ALB: variants seen among roughly 807,000 people sequenced by gnomAD.
ALB encodes serum albumin.
A neutral mutation model predicts 74.5 loss-of-function variants in ALB; 37 were observed. That is an observed-to-expected ratio of 0.50 (90% CI 0.38 to 0.65). The LOEUF (loss-of-function observed/expected upper bound fraction) is 0.65. ALB is among the 30% of genes least tolerant of loss of function. The pLI is 0.00. For missense variants in ALB, 685 were observed against 718.7 expected (o/e 0.95, Z 0.54); for synonymous variants, 249 against 251.6 (o/e 0.99, Z 0.10).
rs765630261 is a variant in ALB at position 73,410,360 on chromosome 4, C to T, written c.664C>T (p.Leu222Phe). ...EGKASSAKQR[L>F]KCASLQKFGE... ...GAAGGCTTCGTCTGCCAAACAGAGA[C>T]TCAAGTGTGCCAGTCTCCAAAAATT... is the stretch of plus-strand genomic sequence containing the variant. The change falls in exon 6 of 15, where the codon CTC becomes TTC. Residue 222 changes from leucine to phenylalanine, a missense_variant. Leu to Phe is a conservative substitution (Grantham distance 22, BLOSUM62 0). Coordinates refer to ENST00000295897, the MANE Select transcript of ALB (RefSeq NM_000477.7). 6.2e-7 allele frequency: 1 copy of T among 1,613,858 alleles called. No homozygotes were observed. Among genetic ancestry groups the T allele is most frequent in the Non-Finnish European group, 8.5e-7 (1 of 1,179,796 alleles).
intron 1 of ALB, among the ~76,000 whole-genome samples, 179 bp downstream of exon 1, chr4:73,404,585 TAAA>T (rs374771640): frequency 7.2e-6 from 1 of 138,706 alleles, no homozygotes; most frequent in Admixed American, 7.3e-5. Context: ...ACATCCTAGG[TAAA>T]AAAAAAAAAA....
chr4:73,408,458 C>G, intron 3 of ALB, 136 bp from the exon 4 acceptor site: 1 of 745,418 alleles, frequency 1.3e-6, no homozygotes, highest in Non-Finnish European at 2.2e-6. Flanking sequence ...CTGTAAACCT[C>G]GATTGGGAGG....
In ALB at chr4:73,418,163, A is replaced by T. The variant is rs2149329540; in HGVS notation, c.1504A>T (p.Thr502Ser). The T allele has an allele frequency of 6.2e-7, 1 of 1,614,206 alleles. No homozygotes were observed. ...AAGTGACAGAGTCACCAAATGCTGC[A>T]CAGAATCCTTGGTGAACAGGCGACC... ...PVSDRVTKCC[T>S]ESLVNRRPCF... The change falls in exon 12 of 15, where the codon ACA becomes TCA. Residue 502 changes from threonine (T) to serine (S), a missense_variant. Physicochemically the swap from Thr to Ser is moderately conservative, Grantham distance 58. Coordinates refer to ENST00000295897, the MANE Select transcript of ALB (RefSeq NM_000477.7).
At chr4:73,419,090 C>A (rs1182413262) in intron 12 of ALB, among the ~76,000 whole-genome samples, 1 of 151,874 alleles carries the variant, frequency 6.6e-6, no homozygotes, top group Admixed American at 6.6e-5. Context: ...TAAATAAAGT[C>A]CAAGATAATT....
At position 73,408,671 on chromosome 4, in the gene ALB, A is replaced by G. The variant is rs1718794005; in HGVS notation, c.348A>G (p.Ala116=). 2 of 1,613,984 alleles carry G rather than the reference A, an allele frequency of 1.2e-6. No homozygotes were observed. The highest frequency in any genetic ancestry group is 1.7e-6 in the Non-Finnish European group (2 of 1,179,954). ...ATGGTGAAATGGCTGACTGCTGTGC[A>G]AAACAAGAACCTGAGAGAAATGAAT... The part of the protein sequence containing the change: ...ETYGEMADCC[A]KQEPERNECF... The change falls in exon 4 of 15, where the codon GCA becomes GCG. Residue 116 remains alanine, a synonymous_variant. Transcript: ENST00000295897.
chr4:73,410,281 C>G, intron 5 of ALB, 31 bp from the exon 6 acceptor site: 2 of 1,575,382 alleles, frequency 1.3e-6, no homozygotes, highest in South Asian at 1.1e-5. Context: ...AATTTTTCTT[C>G]TAATTTTCAT....
At chr4:73,413,193 A>G in intron 7 of ALB, 1 of 530,464 alleles carries the variant, frequency 1.9e-6, no homozygotes, top group Admixed American at 3.3e-5. Context: ...TTAATAAATA[A>G]CTGAGCTGAG....
At position 73,421,287 on chromosome 4, in the gene ALB, G is replaced by A; in HGVS notation, c.*219G>A. On this transcript the variant is annotated 3_prime_UTR_variant, in exon 15 of 15. Transcript: ENST00000295897. ...TGGTACAGCACTGTTATTTTTCAAAGATGTGTTGCTATCCTGAAAATTCTG... is the reference window on the plus strand; with the variant it reads ...TGGTACAGCACTGTTATTTTTCAAAAATGTGTTGCTATCCTGAAAATTCTG... 2.3e-6 allele frequency: 1 copy of A among 434,890 alleles called. No homozygotes were observed. The highest frequency in any genetic ancestry group is 4.1e-6 in the Non-Finnish European group (1 of 246,160). 26.9% of individuals were successfully genotyped at this position (434,890 alleles called of 1,614,324 possible).
intron 12 of ALB, among the ~76,000 whole-genome samples, chr4:73,419,063 A>G (rs939192344): frequency 1.3e-5 from 2 of 152,186 alleles, no homozygotes; most frequent in African/African-American, 4.8e-5. Context: ...TCTCATCTTT[A>G]TAGATGAGAA....
Position 73,414,222 on chromosome 4 carries a change from A to G in ALB, c.1058+588A>G, listed in dbSNP as rs562753437. Among the ~76,000 whole-genome samples the G allele has an allele frequency of 9.7e-4, 148 of 152,338 alleles. 1 individual carries two copies. Among genetic ancestry groups the G allele is most frequent in the South Asian group, 1.4e-3 (7 of 4,828 alleles). ...TGTTGTTGGATTATGATAATGCACT[A>G]AATAATATTTCCTAAAATTATGTAC... On this transcript the variant is annotated intron_variant, in intron 8 of 14. Coordinates refer to ENST00000295897, the MANE Select transcript of ALB (RefSeq NM_000477.7).
At position 73,415,377 on chromosome 4, in the gene ALB, A is replaced by G. The variant is rs537295321; in HGVS notation, c.1191+210A>G. The G allele has an allele frequency of 6.4e-5, 35 of 549,608 alleles. No homozygotes were observed. The South Asian group carries it at 8.8e-4, about 14-fold the overall frequency. The allele number at this position is 549,608 out of a possible 1,614,324, so 34.0% of individuals were successfully genotyped here. A position where few individuals can be genotyped will look rare whatever the true frequency, so the allele number is the denominator to read the frequency against. ...CTAGTTAGAATAGAAAGATCTGAAT[A>G]GAGCAATCTCTAAAAAATTTTGATC... On this transcript the variant is annotated intron_variant, in intron 9 of 14. Coordinates refer to ENST00000295897, the MANE Select transcript of ALB (RefSeq NM_000477.7).
intron 7 of ALB, chr4:73,412,338 T>C: frequency 1.6e-6 from 1 of 608,298 alleles, no homozygotes; most frequent in Non-Finnish European, 3.0e-6. Flanking sequence ...CACTGATTTG[T>C]AACTCCTTTC....
At chr4:73,406,084 TAAAAA>T (rs545120783) in intron 2 of ALB, among the ~76,000 whole-genome samples, 1 of 151,284 alleles carries the variant, frequency 6.6e-6, no homozygotes, top group Admixed American at 6.6e-5. Context: ...CAAGTCTCTT[TAAAAA>T]AAACAAAACA....
chr4:73,408,961 C>T (rs1718800513), intron 4 of ALB, 156 bp downstream of exon 4: 2 of 657,370 alleles, frequency 3.0e-6, no homozygotes, highest in Non-Finnish European at 2.6e-6. Context: ...TTTGATACCA[C>T]AAAATTCTAC....
At chr4:73,417,837 C>T (rs1180828331) in intron 11 of ALB, among the ~76,000 whole-genome samples, 168 bp downstream of exon 11, 1 of 151,532 alleles carries the variant, frequency 6.6e-6, no homozygotes, top group East Asian at 1.9e-4. Context: ...CAGTCAAGGC[C>T]CCGAGGATGA....
chr4:73,412,250 A>G (rs903878026), intron 7 of ALB, 125 bp downstream of exon 7: 20 of 1,191,694 alleles, frequency 1.7e-5, no homozygotes, highest in African/African-American at 1.2e-4. Context: ...CGTCTGTCCT[A>G]TCTTCAATCT....
intron 6 of ALB, 25 bp downstream of exon 6, chr4:73,410,434 CA>C: frequency 6.7e-7 from 1 of 1,492,422 alleles, no homozygotes; most frequent in East Asian, 2.3e-5. Flanking sequence ...ACATAGTTGG[CA>C]TCTTTATAAC....
Position 73,419,616 on chromosome 4 carries a change from A to G in ALB, c.1762A>G (p.Lys588Glu), listed in dbSNP as rs1281146594. The G allele has an allele frequency of 6.2e-7, 1 of 1,613,948 alleles. No individual in the cohort carries two copies. The highest frequency in any genetic ancestry group is 8.5e-7 in the Non-Finnish European group (1 of 1,179,962). The change falls in exon 13 of 15, where the codon AAG (lysine) becomes GAG (glutamate). Residue 588 changes from lysine (K) to glutamate (E), a missense_variant. Transcript: ENST00000295897. ...FVEKCCKADD[K>E]ETCFAEEGKK... ...AGAGAAGTGCTGCAAGGCTGACGAT[A>G]AGGAGACCTGCTTTGCCGAGGAGGT... is the stretch of plus-strand genomic sequence containing the variant.
rs991349056 is a variant in ALB at position 73,410,248 on chromosome 4, T to A, written c.616-64T>A. On this transcript the variant is annotated intron_variant, in intron 5 of 14. Transcript: ENST00000295897. ...TAATTTGGCACAGTCTCATCTGAGC[T>A]TATGGAGGGGTGTTTCATGTAGAAT... 35 of 1,273,068 alleles carry A rather than the reference T, an allele frequency of 2.7e-5. No homozygotes were observed. In the Admixed American group the frequency reaches 2.9e-4, roughly 10 times the overall value. 78.9% of individuals were successfully genotyped at this position (1,273,068 alleles called of 1,614,324 possible).
Sources: gnomAD v4.1 joint callset for allele counts (sites outside exome capture counted in the v4.1 genomes callset) on GRCh38, gnomAD v4.1.1 for gene constraint, MANE v1.5 for transcripts, NCBI Gene and HGNC (gene_info 2026-07-23, HGNC 2026-07-21) for gene names.